The following SESN3 variants were observed in gnomAD, a reference collection of about 807,000 sequenced individuals.
SESN3 encodes sestrin 3.
In SESN3, 21 loss-of-function variants were observed where a neutral mutation model predicts 55.3. That is an observed-to-expected ratio of 0.38 (90% CI 0.27 to 0.55). The LOEUF (loss-of-function observed/expected upper bound fraction) is 0.55. Among genes scored for constraint, SESN3 ranks in the 20% least tolerant of loss-of-function variants. The pLI is 0.76. For missense variants in SESN3, 408 were observed against 604.3 expected (o/e 0.68, Z 3.41); for synonymous variants, 181 against 203.1 (o/e 0.89, Z 0.93).
chr11:95,222,294 A>T (rs1860871996), intron 1 of SESN3, among the ~76,000 whole-genome samples: 1 of 152,206 alleles, frequency 6.6e-6, no homozygotes, highest in Admixed American at 6.5e-5. Flanking sequence ...TATTTAATTG[A>T]AATATTTTCA....
Position 95,219,832 on chromosome 11 carries a change from G to A in SESN3, c.78+10951C>T, listed in dbSNP as rs1473803691. 2.6e-5 allele frequency among the ~76,000 whole-genome samples: 4 copies of A among 151,930 alleles called. No individual in the cohort carries two copies. The South Asian group carries it at 8.3e-4, about 32-fold the overall frequency. On this transcript the variant is annotated intron_variant, in intron 1 of 9. Transcript: ENST00000536441. ...TAGGAAAGACAGTCTCTAGTGAAGC[G>A]GTTACTTGAATTTCAGGATATATGT...
At chr11:95,177,400 A>AC (rs985141368) in intron 8 of SESN3, among the ~76,000 whole-genome samples, 7 of 152,174 alleles carry the variant, frequency 4.6e-5, no homozygotes, top group African/African-American at 1.7e-4. Context: ...AAGGGACACT[A>AC]CACCTGTTTT....
At chr11:95,189,662 C>G in intron 4 of SESN3, 117 bp downstream of exon 4, 1 of 604,132 alleles carries the variant, frequency 1.7e-6, no homozygotes, top group Non-Finnish European at 2.6e-6. Flanking sequence ...ACTTTCTAAA[C>G]TCATCTTTTC....
intron 7 of SESN3, 23 bp from the exon 8 acceptor site, chr11:95,177,932 A>T (rs763731606): frequency 4.7e-6 from 7 of 1,483,416 alleles, no homozygotes; most frequent in Non-Finnish European, 6.4e-6. Context: ...AATGTATTTA[A>T]TTACAAAGTG....
Position 95,170,444 on chromosome 11 carries a change from C to T in SESN3, c.*2811G>A, listed in dbSNP as rs1316952974. ...CATGTGCTTTTCTCACGTACACTTG[C>T]ACATTTAAGTTTGGCACAATGTGAG... On this transcript the variant is annotated 3_prime_UTR_variant, in exon 10 of 10. Transcript: ENST00000536441. 6.6e-6 allele frequency: 1 copy of T among 152,154 alleles called. No individual in the cohort carries two copies. The highest frequency in any genetic ancestry group is 1.9e-4 in the East Asian group (1 of 5,200). The allele number at this position is 152,154 out of a possible 1,614,324, so 9.4% of individuals were successfully genotyped here.
chr11:95,204,205 G>A (rs1010843301), intron 1 of SESN3, among the ~76,000 whole-genome samples: 2 of 152,002 alleles, frequency 1.3e-5, no homozygotes, highest in Non-Finnish European at 2.9e-5. Flanking sequence ...TTGGTCATGG[G>A]TTTATGAAGC....
chr11:95,211,505 T>C (rs7110456), intron 1 of SESN3, among the ~76,000 whole-genome samples: 55,534 of 152,084 alleles, frequency 0.37, 10,443 homozygotes, highest in East Asian at 0.59. Context: ...AAAAGGCTCA[T>C]GCCTATAATC....
At chr11:95,219,882 G>GAACCACT (rs569078794) in intron 1 of SESN3, among the ~76,000 whole-genome samples, 78 of 152,200 alleles carry the variant, frequency 5.1e-4, no homozygotes, top group African/African-American at 1.9e-3. Flanking sequence ...TATACCCAGT[G>GAACCACT]GTTAGGTTTC....
Position 95,170,262 on chromosome 11 carries a change from C to G in SESN3, c.*2993G>C, listed in dbSNP as rs770441212. ...ATTATTTTCAGGTGGGAGAGTATCTCAATATTTCTTAAGGTGATCTGAGAA... is the reference window on the plus strand; with the variant it reads ...ATTATTTTCAGGTGGGAGAGTATCTGAATATTTCTTAAGGTGATCTGAGAA... On this transcript the variant is annotated 3_prime_UTR_variant, in exon 10 of 10. Coordinates refer to ENST00000536441, the MANE Select transcript of SESN3 (RefSeq NM_144665.4). The G allele has an allele frequency of 2.6e-5, 4 of 152,092 alleles. No homozygotes were observed. Among genetic ancestry groups the G allele is most frequent in the African/African-American group, 4.8e-5 (2 of 41,428 alleles). 9.4% of individuals were successfully genotyped at this position (152,092 alleles called of 1,614,324 possible).
chr11:95,189,164 A>G (rs916711814), intron 4 of SESN3, among the ~76,000 whole-genome samples: 8 of 151,936 alleles, frequency 5.3e-5, no homozygotes, highest in South Asian at 2.1e-4. Flanking sequence ...CGTGCCAAGA[A>G]TAGTGCTAAG....
rs934735535 is a variant in SESN3 at position 95,170,674 on chromosome 11, C to T, written c.*2581G>A. ...GGATAAAGAGAGTTAACAGCAAACT[C>T]GTTGTAAAATGGTATTCACAACCTG... is the stretch of plus-strand genomic sequence containing the variant. On this transcript the variant is annotated 3_prime_UTR_variant, in exon 10 of 10. Transcript: ENST00000536441. 2 of 152,184 alleles carry T rather than the reference C, an allele frequency of 1.3e-5. No homozygotes were observed. The highest frequency in any genetic ancestry group is 2.4e-5 in the African/African-American group (1 of 41,462). 9.4% of individuals were successfully genotyped at this position (152,184 alleles called of 1,614,324 possible). A position where few individuals can be genotyped will look rare whatever the true frequency, so the allele number is the denominator to read the frequency against.
intron 8 of SESN3, among the ~76,000 whole-genome samples, chr11:95,177,265 T>G (rs1859975470): frequency 6.6e-6 from 1 of 152,204 alleles, no homozygotes; most frequent in Non-Finnish European, 1.5e-5. Flanking sequence ...TTATGTGACC[T>G]TATGTAAGCT....
chr11:95,206,742 A>C (rs1860555813), intron 1 of SESN3, among the ~76,000 whole-genome samples: 3 of 152,050 alleles, frequency 2.0e-5, no homozygotes, highest in Non-Finnish European at 4.4e-5. Context: ...TAGTGTACTA[A>C]ATCAATAGTT....
chr11:95,180,150 TA>T (rs1458322807), intron 6 of SESN3, among the ~76,000 whole-genome samples: 1 of 152,160 alleles, frequency 6.6e-6, no homozygotes, highest in Non-Finnish European at 1.5e-5. Context: ...ATATTTTCAT[TA>T]TAAGTATTTT....
At chr11:95,195,264 T>G (rs899491630) in intron 1 of SESN3, among the ~76,000 whole-genome samples, 14 of 152,202 alleles carry the variant, frequency 9.2e-5, no homozygotes, top group Non-Finnish European at 1.8e-4. Flanking sequence ...ATGTTTCATA[T>G]TATTACTTTA....
At chr11:95,201,529 T>C (rs1204499226) in intron 1 of SESN3, among the ~76,000 whole-genome samples, 3 of 152,082 alleles carry the variant, frequency 2.0e-5, no homozygotes, top group Non-Finnish European at 4.4e-5. Flanking sequence ...GAACTTGTTC[T>C]AAGTGCAAAC....
chr11:95,228,175 T>G (rs1159128749), intron 1 of SESN3, among the ~76,000 whole-genome samples: 3 of 152,206 alleles, frequency 2.0e-5, no homozygotes, highest in Non-Finnish European at 4.4e-5. Flanking sequence ...AATTCAATAT[T>G]CAGGCATTGG....
At chr11:95,201,823 CCA>C (rs1326624440) in intron 1 of SESN3, among the ~76,000 whole-genome samples, 2 of 152,060 alleles carry the variant, frequency 1.3e-5, no homozygotes, top group Non-Finnish European at 2.9e-5. Flanking sequence ...CCATGTAATG[CCA>C]CAGAGTGATG....
intron 4 of SESN3, among the ~76,000 whole-genome samples, chr11:95,186,710 C>A (rs1860173814): frequency 6.6e-6 from 1 of 151,542 alleles, no homozygotes; most frequent in South Asian, 2.1e-4. Context: ...TCACTATGTA[C>A]CCCATGGATA....
Sources: gnomAD v4.1 joint callset for allele counts (sites outside exome capture counted in the v4.1 genomes callset) on GRCh38, gnomAD v4.1.1 for gene constraint, MANE v1.5 for transcripts, NCBI Gene and HGNC (gene_info 2026-07-23, HGNC 2026-07-21) for gene names.